VPS13B: variants seen among roughly 807,000 people sequenced by gnomAD.
VPS13B encodes the protein vacuolar protein sorting 13 homolog B.
VPS13B carries 285 observed loss-of-function variants against 426.4 expected under a neutral mutation model. The observed-to-expected ratio is 0.67, with a 90% CI of 0.61 to 0.74. The LOEUF is 0.74. Among genes scored for constraint, VPS13B ranks in the 30% least tolerant of loss-of-function variants. The pLI is 0.00. For synonymous variants in VPS13B, 1,676 were observed against 1,676.4 expected, an observed-to-expected ratio of 1.00 and a Z score of 0.01; for missense variants, 4,537 against 4,782.6, an observed-to-expected ratio of 0.95 and a Z score of 1.51.
At chr8:99,521,102 T>G (rs1822360940) in intron 30 of VPS13B, 92 bp downstream of exon 30, 1 of 1,049,724 alleles carries the variant, frequency 9.5e-7, no homozygotes, top group African/African-American at 1.6e-5. Context: ...TGTAGAAATA[T>G]TTCTCATTCA....
intron 37 of VPS13B, among the ~76,000 whole-genome samples, chr8:99,720,060 A>G (rs1034172340): frequency 7.9e-5 from 12 of 152,166 alleles, no homozygotes; most frequent in Non-Finnish European, 1.5e-4. Context: ...TCTTAGCTAA[A>G]TTAATTCATA....
At chr8:99,676,071 C>G (rs953470988) in intron 35 of VPS13B, among the ~76,000 whole-genome samples, 2 of 152,036 alleles carry the variant, frequency 1.3e-5, no homozygotes, top group African/African-American at 4.8e-5. Flanking sequence ...TTATTCCAGT[C>G]TTTGCAGTCT....
intron 21 of VPS13B, among the ~76,000 whole-genome samples, chr8:99,395,442 A>G (rs1437905619): frequency 2.0e-5 from 3 of 152,162 alleles, no homozygotes; most frequent in Non-Finnish European, 4.4e-5. Flanking sequence ...ACTGTCCATC[A>G]TATATAATTC....
At chr8:99,497,023 A>G (rs1820922806) in intron 25 of VPS13B, among the ~76,000 whole-genome samples, 2 of 149,094 alleles carry the variant, frequency 1.3e-5, no homozygotes, top group Admixed American at 1.3e-4. Flanking sequence ...GCTGTAGAAT[A>G]ATCTAAAATT....
At chr8:99,041,301 T>C (rs1842951144) in intron 3 of VPS13B, among the ~76,000 whole-genome samples, 2 of 152,248 alleles carry the variant, frequency 1.3e-5, no homozygotes, top group South Asian at 4.1e-4. Context: ...AGTTACTACT[T>C]GTAAACTGTT....
At chr8:99,425,532 C>G (rs1239607780) in intron 21 of VPS13B, among the ~76,000 whole-genome samples, 1 of 152,138 alleles carries the variant, frequency 6.6e-6, no homozygotes, top group East Asian at 1.9e-4. Context: ...ATACTAAAAA[C>G]TCTCAATAAA....
chr8:99,556,599 C>T lies in VPS13B; in HGVS notation c.4895C>T (p.Thr1632Ile), dbSNP rs2133764957. ...EKESVSGGVV[T>I]ETERNSQNPA... ...GAAAGTGTCTCAGGAGGGGTGGTAA[C>T]AGAGACTGAAAGGAATTCTCAAAAT... Residue 1632 changes from threonine to isoleucine, a missense_variant, in exon 31 of 62, where the codon ACA becomes ATA. Physicochemically the swap from Thr to Ile is moderately conservative, Grantham distance 89. Transcript: ENST00000357162. 1 of 1,613,112 alleles carries T rather than the reference C, an allele frequency of 6.2e-7. No homozygotes were observed. Among genetic ancestry groups the T allele is most frequent in the East Asian group, 2.2e-5 (1 of 44,838 alleles).
intron 30 of VPS13B, among the ~76,000 whole-genome samples, chr8:99,555,660 C>T (rs1485373232): frequency 6.6e-6 from 1 of 152,168 alleles, no homozygotes; most frequent in East Asian, 1.9e-4. Flanking sequence ...AAACTTTGTG[C>T]TTCCCACCCT....
chr8:99,298,211 G>A (rs1282014430), intron 19 of VPS13B, among the ~76,000 whole-genome samples: 1 of 152,136 alleles, frequency 6.6e-6, no homozygotes, highest in Non-Finnish European at 1.5e-5. Flanking sequence ...TTTGTCGGCC[G>A]GGTGCGGTGG....
At chr8:99,680,150 A>T (rs1341720109) in intron 35 of VPS13B, among the ~76,000 whole-genome samples, 1 of 152,230 alleles carries the variant, frequency 6.6e-6, no homozygotes, top group Non-Finnish European at 1.5e-5. Context: ...TTATGATTTG[A>T]GTATAACAAG....
Position 99,722,745 on chromosome 8 carries a change from G to T in VPS13B, c.7050+1698G>T, listed in dbSNP as rs540835089. On this transcript the variant is annotated intron_variant, in intron 39 of 61. Transcript: ENST00000357162. ...GATGGTCTGGATCTCCTGACCTCATGATCCACCTGCCTCGGCCTCCCAAAG... is the reference window on the plus strand; with the variant it reads ...GATGGTCTGGATCTCCTGACCTCATTATCCACCTGCCTCGGCCTCCCAAAG... Among the ~76,000 whole-genome samples the T allele has an allele frequency of 2.0e-5, 3 of 152,210 alleles. No individual in the cohort carries two copies. The South Asian group carries it at 6.2e-4, about 32-fold the overall frequency.
chr8:99,574,215 T>C (rs1259521696), intron 31 of VPS13B, among the ~76,000 whole-genome samples: 2 of 152,060 alleles, frequency 1.3e-5, no homozygotes, highest in Non-Finnish European at 2.9e-5. Context: ...GAGGATGGGG[T>C]TTTCTAAATA....
intron 20 of VPS13B, among the ~76,000 whole-genome samples, chr8:99,386,710 A>G (rs1346811278): frequency 2.0e-5 from 3 of 152,146 alleles, no homozygotes; most frequent in African/African-American, 7.2e-5. Flanking sequence ...AAGCTAAACT[A>G]CTTGCAATAC....
chr8:99,037,281 C>A (rs1243012789), intron 2 of VPS13B, among the ~76,000 whole-genome samples: 1 of 151,914 alleles, frequency 6.6e-6, no homozygotes, highest in African/African-American at 2.4e-5. Context: ...AAAAAACCCT[C>A]TGGTTGAAGA....
At chr8:99,664,247 C>G (rs553813033) in intron 35 of VPS13B, among the ~76,000 whole-genome samples, 1 of 151,796 alleles carries the variant, frequency 6.6e-6, no homozygotes. Context: ...CCACATGATC[C>G]GCCCACCTTG....
intron 33 of VPS13B, among the ~76,000 whole-genome samples, chr8:99,632,583 C>T (rs972161741): frequency 2.0e-5 from 3 of 151,836 alleles, no homozygotes; most frequent in African/African-American, 4.8e-5. Context: ...ATGATCAAAG[C>T]ATTTGTGTGG....
chr8:99,798,140 C>T (rs1052843062), intron 43 of VPS13B, among the ~76,000 whole-genome samples: 6 of 151,630 alleles, frequency 4.0e-5, no homozygotes, highest in African/African-American at 1.5e-4. Flanking sequence ...TCTGTAAACA[C>T]TGACTCCATT....
intron 17 of VPS13B, among the ~76,000 whole-genome samples, chr8:99,199,818 A>G (rs1483514049): frequency 6.6e-6 from 1 of 151,842 alleles, no homozygotes; most frequent in Non-Finnish European, 1.5e-5. Context: ...CCCCTCTTCC[A>G]TGTCAGAAAT....
chr8:99,395,197 C>A (rs957349887), intron 21 of VPS13B, among the ~76,000 whole-genome samples: 2 of 152,140 alleles, frequency 1.3e-5, no homozygotes, highest in African/African-American at 4.8e-5. Flanking sequence ...GAGACAGGAA[C>A]TGAAGTTAAG....
Sources: allele counts gnomAD v4.1 joint callset (sites outside exome capture counted in the v4.1 genomes callset), GRCh38; gene constraint gnomAD v4.1.1; transcripts MANE v1.5; gene names NCBI Gene and HGNC (gene_info 2026-07-23, HGNC 2026-07-21).